ADAMTSL1: variants seen among roughly 807,000 people sequenced by gnomAD.
ADAMTSL1 encodes ADAMTS like 1.
In ADAMTSL1, 126 loss-of-function variants were observed where a neutral mutation model predicts 201.8. The observed-to-expected ratio is 0.62, with a 90% CI of 0.54 to 0.72. The LOEUF is 0.72. Among genes scored for constraint, ADAMTSL1 ranks in the 30% least tolerant of loss-of-function variants. The probability of loss-of-function intolerance (pLI) is 0.00; values close to 1 mark genes in which losing one functional copy is unlikely to be tolerated. For synonymous variants in ADAMTSL1, 1,121 were observed against 903.4 expected, an observed-to-expected ratio of 1.24 and a Z score of -4.32; for missense variants, 2,679 against 2,277.8, an observed-to-expected ratio of 1.18 and a Z score of -3.59.
chr9:18,123,778 C>T (rs1394730375), intron 1 of ADAMTSL1, among the ~76,000 whole-genome samples: 2 of 152,146 alleles, frequency 1.3e-5, no homozygotes, highest in East Asian at 3.9e-4. Flanking sequence ...CCCTTCTAGC[C>T]CCTGGCAGCC....
intron 3 of ADAMTSL1, among the ~76,000 whole-genome samples, chr9:18,570,856 A>T (rs1420581472): frequency 6.6e-6 from 1 of 152,224 alleles, no homozygotes; most frequent in Non-Finnish European, 1.5e-5. Context: ...CATAAGCATT[A>T]TTCTTCTCAG....
chr9:18,143,564 T>G (rs112083543), intron 1 of ADAMTSL1, among the ~76,000 whole-genome samples: 5,480 of 152,208 alleles, frequency 0.036, 142 homozygotes, highest in Non-Finnish European at 0.059. Context: ...GCATCCTCCC[T>G]TGTCAGAACC....
chr9:18,850,355 C>T (rs990062634), intron 23 of ADAMTSL1, among the ~76,000 whole-genome samples: 3 of 152,228 alleles, frequency 2.0e-5, no homozygotes, highest in Non-Finnish European at 4.4e-5. Flanking sequence ...AATCCTTCCT[C>T]AGCCCTGAAA....
intron 14 of ADAMTSL1, among the ~76,000 whole-genome samples, chr9:18,717,299 A>G (rs1285986650): frequency 6.6e-6 from 1 of 150,928 alleles, no homozygotes; most frequent in African/African-American, 2.4e-5. Flanking sequence ...TAAAAAATAA[A>G]GAAATTTGAA....
At chr9:18,714,250 A>G (rs1180254525) in intron 14 of ADAMTSL1, among the ~76,000 whole-genome samples, 10 of 150,972 alleles carry the variant, frequency 6.6e-5, no homozygotes, top group African/African-American at 2.2e-4. Flanking sequence ...AACTAAAATC[A>G]GAGCAGAACT....
chr9:18,712,044 T>A (rs1406396361), intron 14 of ADAMTSL1, among the ~76,000 whole-genome samples: 16 of 151,720 alleles, frequency 1.1e-4, no homozygotes, highest in South Asian at 2.1e-4. Flanking sequence ...GTCCTGTCTG[T>A]TAGAAGGAAA....
intron 19 of ADAMTSL1, among the ~76,000 whole-genome samples, chr9:18,791,767 G>A (rs1563804485): frequency 1.3e-5 from 2 of 152,108 alleles, no homozygotes; most frequent in Non-Finnish European, 2.9e-5. Flanking sequence ...TAGTGTTTAT[G>A]GAATAATAGA....
chr9:18,132,345 T>C (rs1825988061), intron 1 of ADAMTSL1, among the ~76,000 whole-genome samples: 1 of 152,182 alleles, frequency 6.6e-6, no homozygotes, highest in African/African-American at 2.4e-5. Context: ...TTTGAATCAG[T>C]GGCGTTAAGT....
chr9:17,920,973 A>C (rs1826276732), intron 1 of ADAMTSL1, among the ~76,000 whole-genome samples: 1 of 152,192 alleles, frequency 6.6e-6, no homozygotes. Context: ...ATTTAAATTC[A>C]CCATGCTAGG....
At chr9:18,584,967 A>G (rs1823384935) in intron 4 of ADAMTSL1, among the ~76,000 whole-genome samples, 1 of 152,234 alleles carries the variant, frequency 6.6e-6, no homozygotes, top group South Asian at 2.1e-4. Context: ...GCACAAATAT[A>G]CTTTGGTAAC....
At chr9:18,204,577 T>A (rs542659555) in intron 2 of ADAMTSL1, among the ~76,000 whole-genome samples, 2 of 152,326 alleles carry the variant, frequency 1.3e-5, no homozygotes, top group Admixed American at 1.3e-4. Context: ...GTGACTTTCA[T>A]GCCCAGCATG....
chr9:18,120,657 C>CA (rs1486916680), intron 1 of ADAMTSL1, among the ~76,000 whole-genome samples: 2 of 151,964 alleles, frequency 1.3e-5, no homozygotes, highest in Non-Finnish European at 2.9e-5. Context: ...TACACACACA[C>CA]AAAAAAACAC....
At chr9:18,300,263 A>G (rs1373629020) in intron 2 of ADAMTSL1, among the ~76,000 whole-genome samples, 1 of 152,328 alleles carries the variant, frequency 6.6e-6, no homozygotes, top group Non-Finnish European at 1.5e-5. Context: ...CATATACACC[A>G]TGGAATACTA....
intron 9 of ADAMTSL1, among the ~76,000 whole-genome samples, chr9:18,669,388 A>T (rs1206079762): frequency 3.3e-5 from 5 of 152,244 alleles, no homozygotes; most frequent in Non-Finnish European, 5.9e-5. Context: ...GTATTCAATG[A>T]TTTGACCCAA....
chr9:18,114,593 C>G (rs1282926488), intron 1 of ADAMTSL1, among the ~76,000 whole-genome samples: 1 of 151,956 alleles, frequency 6.6e-6, no homozygotes, highest in African/African-American at 2.4e-5. Context: ...TTTTGAGACC[C>G]AAATGCCTTC....
chr9:18,335,875 G>A (rs942496321), intron 2 of ADAMTSL1, among the ~76,000 whole-genome samples: 1 of 152,094 alleles, frequency 6.6e-6, no homozygotes, highest in Non-Finnish European at 1.5e-5. Context: ...TTGGGAGGTT[G>A]TAGAAATGTT....
intron 2 of ADAMTSL1, among the ~76,000 whole-genome samples, chr9:18,174,732 A>C (rs569225074): frequency 2.0e-4 from 30 of 152,296 alleles, no homozygotes; most frequent in African/African-American, 6.7e-4. Context: ...TATTTAAAGA[A>C]TAATATTATT....
Position 18,241,033 on chromosome 9 carries a change from A to G in ADAMTSL1, c.207+77052A>G, listed in dbSNP as rs151119954. On this transcript the variant is annotated intron_variant, in intron 2 of 29. Transcript: ENST00000680146. Reference sequence around the variant, plus strand: ...GCTGGTTTGATCTTCTCTCCAGACCACTAAAACTTTCCATATCGTCATTAT... The same window carrying G: ...GCTGGTTTGATCTTCTCTCCAGACCGCTAAAACTTTCCATATCGTCATTAT... Among the ~76,000 whole-genome samples, 702 of 152,296 alleles carry G rather than the reference A, an allele frequency of 4.6e-3. 5 individuals are homozygous for G. The highest frequency in any genetic ancestry group is 0.016 in the African/African-American group (667 of 41,580).
chr9:18,380,609 A>T (rs568876830), intron 2 of ADAMTSL1, among the ~76,000 whole-genome samples: 25 of 152,338 alleles, frequency 1.6e-4, no homozygotes, highest in African/African-American at 6.0e-4. Context: ...TGCCATTTAC[A>T]CATGAGGCAA....
Sources: allele counts gnomAD v4.1 joint callset (sites outside exome capture counted in the v4.1 genomes callset), GRCh38; gene constraint gnomAD v4.1.1; transcripts MANE v1.5; gene names NCBI Gene and HGNC (gene_info 2026-07-23, HGNC 2026-07-21).